ANK2: variants seen among roughly 807,000 people sequenced by gnomAD.
ANK2 encodes ankyrin-2.
ANK2 carries 83 observed loss-of-function variants against 360.5 expected under a neutral mutation model. That is an observed-to-expected ratio of 0.23 (90% CI 0.19 to 0.28). The LOEUF is 0.28. Among genes scored for constraint, ANK2 ranks in the 10% least tolerant of loss-of-function variants. The pLI, the probability that ANK2 is intolerant of heterozygous loss-of-function variation, is 1.00. For synonymous variants in ANK2, 1,740 were observed against 1,759.5 expected (o/e 0.99, Z 0.28); for missense variants, 4,201 against 4,795.7 (o/e 0.88, Z 3.66).
At chr4:113,225,092 T>C (rs1023766665) in intron 4 of ANK2, among the ~76,000 whole-genome samples, 2 of 152,108 alleles carry the variant, frequency 1.3e-5, no homozygotes, top group Non-Finnish European at 2.9e-5. Context: ...TGAGAGACAA[T>C]GGAGCAAGAA....
the ANK2 span, among the ~76,000 whole-genome samples, chr4:112,720,527 T>C: frequency 6.6e-6 from 1 of 152,306 alleles, no homozygotes; most frequent in South Asian, 2.1e-4. Context: ...ACAAACTCTC[T>C]TGTATACAAC....
chr4:112,812,968 G>A, the ANK2 span, among the ~76,000 whole-genome samples: 11 of 152,018 alleles, frequency 7.2e-5, no homozygotes, highest in Non-Finnish European at 1.3e-4. Flanking sequence ...GGCTGGGCGC[G>A]GTGGCTCATA....
At chr4:113,077,163 G>T (rs921051407) in intron 1 of ANK2, among the ~76,000 whole-genome samples, 6 of 151,580 alleles carry the variant, frequency 4.0e-5, no homozygotes, top group African/African-American at 9.7e-5. Context: ...CATACCCATA[G>T]GAGAGAAAAA....
chr4:112,844,264 G>T (rs1172245702), intron 1 of ANK2, among the ~76,000 whole-genome samples: 1 of 152,222 alleles, frequency 6.6e-6, no homozygotes, highest in Non-Finnish European at 1.5e-5. Context: ...CTGGGTTCAT[G>T]ATTGGACTAC....
intron 14 of ANK2, among the ~76,000 whole-genome samples, chr4:113,266,574 A>G (rs2056139196): frequency 6.6e-6 from 1 of 152,202 alleles, no homozygotes; most frequent in Non-Finnish European, 1.5e-5. Flanking sequence ...TCCCACTAAC[A>G]GTGTAAAAGT....
At chr4:113,344,021 T>C (rs57734175) in intron 34 of ANK2, among the ~76,000 whole-genome samples, 3,321 of 152,318 alleles carry the variant, frequency 0.022, 135 homozygotes, top group African/African-American at 0.075. Flanking sequence ...ATTAAGTTTT[T>C]CCAAGATCTC....
the ANK2 span, among the ~76,000 whole-genome samples, chr4:112,707,247 T>C: frequency 1.3e-5 from 2 of 152,210 alleles, no homozygotes; most frequent in Admixed American, 1.3e-4. Context: ...ACTCCAGGAT[T>C]TATGAAAACG....
chr4:112,707,758 TG>T, the ANK2 span, among the ~76,000 whole-genome samples: 2 of 152,232 alleles, frequency 1.3e-5, no homozygotes, highest in African/African-American at 4.8e-5. Context: ...AATCTTATTC[TG>T]TAAAGCACTT....
At chr4:113,303,313 G>A (rs988233947) in intron 23 of ANK2, among the ~76,000 whole-genome samples, 1 of 152,156 alleles carries the variant, frequency 6.6e-6, no homozygotes, top group Non-Finnish European at 1.5e-5. Flanking sequence ...TAAGCCCAGA[G>A]GAGAAGAGCC....
intron 22 of ANK2, among the ~76,000 whole-genome samples, chr4:113,300,727 G>A (rs1228219098): frequency 6.6e-6 from 1 of 152,174 alleles, no homozygotes; most frequent in East Asian, 1.9e-4. Flanking sequence ...AAAACTCAGA[G>A]GCATGAGAGA....
intron 22 of ANK2, among the ~76,000 whole-genome samples, chr4:113,301,134 T>G (rs747659505): frequency 6.6e-6 from 1 of 152,208 alleles, no homozygotes; most frequent in African/African-American, 2.4e-5. Flanking sequence ...GTTGAAGATG[T>G]TACTCTTATG....
At chr4:112,936,839 A>G (rs980278492) in intron 2 of ANK2, among the ~76,000 whole-genome samples, 4 of 152,098 alleles carry the variant, frequency 2.6e-5, no homozygotes, top group African/African-American at 9.7e-5. Context: ...CCCAGGCTGT[A>G]GTGCAGTGGC....
intron 2 of ANK2, among the ~76,000 whole-genome samples, chr4:113,019,446 T>C (rs969143026): frequency 8.5e-5 from 13 of 152,058 alleles, no homozygotes; most frequent in Non-Finnish European, 1.8e-4. Context: ...AAATCAGGTA[T>C]AATAAAACAC....
At chr4:113,007,439 C>T (rs1372869598) in intron 2 of ANK2, among the ~76,000 whole-genome samples, 1 of 152,172 alleles carries the variant, frequency 6.6e-6, no homozygotes, top group African/African-American at 2.4e-5. Context: ...AGTTCCATTA[C>T]AGGATACCCA....
chr4:112,788,626 G>C, the ANK2 span: 1 of 1,599,916 alleles, frequency 6.3e-7, no homozygotes, highest in Non-Finnish European at 8.5e-7. Flanking sequence ...TCCAGGGCCT[G>C]GGTGAACTGG....
intron 14 of ANK2, among the ~76,000 whole-genome samples, chr4:113,266,695 T>C (rs2056222572): frequency 6.6e-6 from 1 of 152,178 alleles, no homozygotes; most frequent in South Asian, 2.1e-4. Flanking sequence ...CTGACCAACA[T>C]GGAGAAACCC....
chr4:113,219,598 A>G (rs2153481526), intron 4 of ANK2, among the ~76,000 whole-genome samples: 1 of 152,286 alleles, frequency 6.6e-6, no homozygotes, highest in African/African-American at 2.4e-5. Flanking sequence ...ATCACTTGCA[A>G]GAGCAGATTT....
chr4:112,767,032 T>C, the ANK2 span, among the ~76,000 whole-genome samples: 879 of 152,362 alleles, frequency 5.8e-3, 6 homozygotes, highest in African/African-American at 0.02. Flanking sequence ...AATGTAATTT[T>C]ACAGTATTGC....
chr4:112,864,963 C>A lies in ANK2; in HGVS notation c.-39-39492C>A, dbSNP rs1056455024. On this transcript the variant is annotated intron_variant, in intron 1 of 30. Coordinates refer to the ANK2 transcript ENST00000503271. ...AGGAGAATGGCGTGAACCCAGGAGG[C>A]GGAGCTTGCAGTGAGCCGAGATCGC... is the stretch of plus-strand genomic sequence containing the variant. Among the ~76,000 whole-genome samples the A allele has an allele frequency of 6.7e-5, 9 of 133,418 alleles. No homozygotes were observed. The South Asian group carries it at 1.5e-3, about 22-fold the overall frequency. 87.5% of individuals were successfully genotyped at this position (133,418 alleles called of 152,430 possible). A position where few individuals can be genotyped will look rare whatever the true frequency, so the allele number is the denominator to read the frequency against.
Sources: allele counts gnomAD v4.1 joint callset (sites outside exome capture counted in the v4.1 genomes callset), GRCh38; gene constraint gnomAD v4.1.1; transcripts MANE v1.5; gene names NCBI Gene and HGNC (gene_info 2026-07-23, HGNC 2026-07-21).